Variants in PALLD observed in about 807,000 individuals in gnomAD.
The protein encoded by PALLD is palladin.
PALLD carries 61 observed loss-of-function variants against 123.5 expected under a neutral mutation model. That is an observed-to-expected ratio of 0.49 (90% CI 0.40 to 0.61). The LOEUF (loss-of-function observed/expected upper bound fraction) is 0.61, where lower values mean the gene tolerates loss of function less well. Ranked by LOEUF, PALLD falls within the 20% of genes least tolerant of loss-of-function variation. The pLI, the probability that PALLD is intolerant of heterozygous loss-of-function variation, is 0.00. For synonymous variants in PALLD, 465 were observed against 496.4 expected (o/e 0.94, Z 0.84); for missense variants, 1,273 against 1,377.0 (o/e 0.92, Z 1.20).
intron 10 of PALLD, among the ~76,000 whole-genome samples, chr4:168,732,516 A>G (rs112227877): frequency 0.012 from 1,800 of 152,326 alleles, 34 homozygotes; most frequent in African/African-American, 0.04. Context: ...GAATATCACT[A>G]GAAGCTCAGA....
At chr4:168,752,236 T>C (rs541265443) in intron 10 of PALLD, among the ~76,000 whole-genome samples, 1 of 152,300 alleles carries the variant, frequency 6.6e-6, no homozygotes, top group South Asian at 2.1e-4. Context: ...TAGCTGGGCT[T>C]GGCGGCATGC....
chr4:168,631,836 A>T, intron 2 of PALLD: 1 of 985,486 alleles, frequency 1.0e-6, no homozygotes, highest in African/African-American at 1.7e-5. Flanking sequence ...AATAAGCGAG[A>T]TCTGAAAGAC....
intron 2 of PALLD, among the ~76,000 whole-genome samples, chr4:168,535,277 C>T (rs1474329159): frequency 1.3e-5 from 2 of 152,268 alleles, no homozygotes; most frequent in East Asian, 1.9e-4. Context: ...TTTTAAGGTA[C>T]ATAAGATCTC....
intron 2 of PALLD, among the ~76,000 whole-genome samples, chr4:168,513,587 G>A (rs1018896284): frequency 6.6e-6 from 1 of 152,164 alleles, no homozygotes; most frequent in Non-Finnish European, 1.5e-5. Flanking sequence ...TCTGTTTTAT[G>A]ATTAAATAAT....
rs1532651 is a variant in PALLD at position 168,913,897 on chromosome 4, C to G, written c.2623-30C>G. On this transcript the variant is annotated intron_variant, in intron 15 of 21. Transcript: ENST00000505667. ...CTTAGTGGTTAATAGTTTTAAATAG[C>G]AAATCATTTATTTCCTGATATTTCT... is the stretch of plus-strand genomic sequence containing the variant. The G allele has an allele frequency of 0.74, 1,032,237 of 1,388,604 alleles. 388,972 individuals are homozygous for G. Among genetic ancestry groups the G allele is most frequent in the East Asian group, 0.95 (41,756 of 43,756 alleles). 86.0% of individuals were successfully genotyped at this position (1,388,604 alleles called of 1,614,324 possible).
At position 168,924,428 on chromosome 4, in the gene PALLD, T is replaced by C. The variant is rs1293188725; in HGVS notation, c.3224+8T>C. 6.2e-7 allele frequency: 1 copy of C among 1,612,168 alleles called. No individual in the cohort carries two copies. Among genetic ancestry groups the C allele is most frequent in the East Asian group, 2.2e-5 (1 of 44,862 alleles). On this transcript the variant is annotated splice_region_variant and intron_variant, in intron 19 of 21. Transcript: ENST00000505667. ...CAGCACTGACCGAGTGAGGTAAGACTGCACAATGAGAACCTGATCCTTAAC... is the reference window on the plus strand; with the variant it reads ...CAGCACTGACCGAGTGAGGTAAGACCGCACAATGAGAACCTGATCCTTAAC...
intron 2 of PALLD, among the ~76,000 whole-genome samples, chr4:168,577,302 T>A (rs62335496): frequency 0.092 from 13,960 of 152,104 alleles, 866 homozygotes; most frequent in South Asian, 0.18. Context: ...TACACCTAAG[T>A]TAGGCTTTTC....
chr4:168,791,654 A>G (rs771176606), intron 10 of PALLD, among the ~76,000 whole-genome samples: 1 of 152,160 alleles, frequency 6.6e-6, no homozygotes, highest in Non-Finnish European at 1.5e-5. Flanking sequence ...ACAATTCAAG[A>G]TGCGATTTTG....
At chr4:168,840,979 T>C (rs1745952209) in intron 10 of PALLD, among the ~76,000 whole-genome samples, 1 of 152,076 alleles carries the variant, frequency 6.6e-6, no homozygotes, top group Non-Finnish European at 1.5e-5. Flanking sequence ...GCCTCCTGAG[T>C]AGCTGGGATT....
At chr4:168,579,460 T>A (rs976509801) in intron 2 of PALLD, among the ~76,000 whole-genome samples, 1 of 152,090 alleles carries the variant, frequency 6.6e-6, no homozygotes, top group Non-Finnish European at 1.5e-5. Flanking sequence ...TTGCAGCAAT[T>A]TTTTTTAGCT....
At chr4:168,795,149 C>T (rs72988904) in intron 10 of PALLD, among the ~76,000 whole-genome samples, 7,039 of 152,222 alleles carry the variant, frequency 0.046, 190 homozygotes, top group South Asian at 0.079. Flanking sequence ...AAAACCATCA[C>T]GCCAGCAATT....
chr4:168,709,491 C>T (rs1784521412), intron 9 of PALLD, among the ~76,000 whole-genome samples: 1 of 137,202 alleles, frequency 7.3e-6, no homozygotes, highest in Non-Finnish European at 1.6e-5. Flanking sequence ...GCCTGGGTGA[C>T]AGAGTCAGAC....
intron 2 of PALLD, among the ~76,000 whole-genome samples, chr4:168,622,610 G>C (rs1774872057): frequency 6.6e-6 from 1 of 152,178 alleles, no homozygotes; most frequent in Non-Finnish European, 1.5e-5. Context: ...CAATCTCCCT[G>C]TCCCTAAGCC....
chr4:168,598,487 G>T, intron 2 of PALLD: 1 of 546,694 alleles, frequency 1.8e-6, no homozygotes. Flanking sequence ...AGAGAGAGAA[G>T]AACTAGAGAG....
chr4:168,748,363 C>A (rs1228161194), intron 10 of PALLD, among the ~76,000 whole-genome samples: 2 of 152,170 alleles, frequency 1.3e-5, no homozygotes, highest in Non-Finnish European at 2.9e-5. Flanking sequence ...TGTTTCTAAC[C>A]ACTGGTACAG....
chr4:168,819,800 G>A (rs990695469), intron 10 of PALLD, among the ~76,000 whole-genome samples: 3 of 152,200 alleles, frequency 2.0e-5, no homozygotes, highest in African/African-American at 4.8e-5. Context: ...AGAATTTCCT[G>A]TGATGGCTTA....
intron 1 of PALLD, among the ~76,000 whole-genome samples, chr4:168,507,130 G>A (rs1762085370): frequency 6.6e-6 from 1 of 151,932 alleles, no homozygotes; most frequent in African/African-American, 2.4e-5. Flanking sequence ...TCCCTCAACT[G>A]CAAAAGGCTC....
chr4:168,922,319 T>G (rs551481795), intron 18 of PALLD, among the ~76,000 whole-genome samples: 12 of 152,312 alleles, frequency 7.9e-5, no homozygotes, highest in African/African-American at 2.4e-4. Flanking sequence ...TTTTATACCA[T>G]CCTTAAGAGT....
At chr4:168,734,487 T>C (rs575659106) in intron 10 of PALLD, among the ~76,000 whole-genome samples, 1 of 152,280 alleles carries the variant, frequency 6.6e-6, no homozygotes, top group African/African-American at 2.4e-5. Flanking sequence ...CAGCTCGAAA[T>C]TGCACGTAGT....
Sources: allele counts gnomAD v4.1 joint callset (sites outside exome capture counted in the v4.1 genomes callset), GRCh38; gene constraint gnomAD v4.1.1; transcripts MANE v1.5; gene names NCBI Gene and HGNC (gene_info 2026-07-23, HGNC 2026-07-21).